Variants in CLU observed in about 807,000 individuals in gnomAD.
The protein encoded by CLU is clusterin, also known as aging-associated protein 4.
CLU carries 25 observed loss-of-function variants against 46.4 expected under a neutral mutation model. The ratio of observed to expected loss-of-function variants is 0.54; its 90% CI spans 0.39 to 0.75. The LOEUF is 0.75. Among genes scored for constraint, CLU ranks in the 30% least tolerant of loss-of-function variants. The pLI is 0.00. For missense variants in CLU, 504 were observed against 592.1 expected (o/e 0.85, Z 1.54); for synonymous variants, 235 against 235.1 (o/e 1.00, Z 0.00).
chr8:27,614,342 G>A (rs1800977649), intron 1 of CLU: 2 of 205,992 alleles, frequency 9.7e-6, no homozygotes, highest in Non-Finnish European at 9.8e-6. Context: ...CCCGCAACGC[G>A]GCAGGTCTCC....
chr8:27,607,339 AAAAAC>A (rs6150518), intron 3 of CLU, among the ~76,000 whole-genome samples: 29,519 of 148,686 alleles, frequency 0.2, 3,343 homozygotes, highest in Non-Finnish European at 0.26. Flanking sequence ...TCTGTCTCAA[AAAAAC>A]AAAACAAAAC....
At chr8:27,613,028 G>A (rs1169416326) in intron 1 of CLU, among the ~76,000 whole-genome samples, 1 of 151,894 alleles carries the variant, frequency 6.6e-6, no homozygotes, top group East Asian at 1.9e-4. Context: ...ACACCCTCCT[G>A]GGAACTTTGA....
chr8:27,610,572 G>A lies in CLU; in HGVS notation c.-1C>T, dbSNP rs1387866928. On this transcript the variant is annotated 5_prime_UTR_variant, in exon 2 of 9. Transcript: ENST00000316403. ...CAAACAGCAGCAGAGTCTTCATCAT[G>A]CCTCCAATTCTGGAGTCTTTGCACG... 1 of 1,613,924 alleles carries A rather than the reference G, an allele frequency of 6.2e-7. No homozygotes were observed. The highest frequency in any genetic ancestry group is 1.3e-5 in the African/African-American group (1 of 74,944).
At chr8:27,606,220 C>T in intron 4 of CLU, 134 bp downstream of exon 4, 1 of 962,200 alleles carries the variant, frequency 1.0e-6, no homozygotes, top group Admixed American at 2.0e-5. Context: ...CAGACATTAC[C>T]AATGGAGCAT....
At chr8:27,598,841 G>A (rs1800665102) in intron 7 of CLU, 2 of 599,978 alleles carry the variant, frequency 3.3e-6, no homozygotes, top group Non-Finnish European at 3.0e-6. Flanking sequence ...CATGTGTTGG[G>A]GCAAATGTCA....
rs779275036 is a variant in CLU at position 27,605,149 on chromosome 8, C to A, written c.604G>T (p.Asp202Tyr). ...QDRFFTREPQ[D>Y]TYHYLPFSLP... ...CTGAAGGGCAGGTAGTGGTAGGTAT[C>A]CTGGGGCTCCCGGGTGAAGAACCTG... The change falls in exon 5 of 9, where the codon GAT (aspartate) becomes TAT (tyrosine). Residue 202 changes from aspartate (D) to tyrosine (Y), a missense_variant. Asp to Tyr is a radical substitution (Grantham distance 160). This residue lies in a region of CLU where 428 missense variants were observed against 484.0 expected (regional missense o/e 0.88). Coordinates refer to ENST00000316403, the MANE Select transcript of CLU (RefSeq NM_001831.4). 1 of 1,614,012 alleles carries A rather than the reference C, an allele frequency of 6.2e-7. No individual in the cohort carries two copies. The highest frequency in any genetic ancestry group is 8.5e-7 in the Non-Finnish European group (1 of 1,180,020).
intron 6 of CLU, among the ~76,000 whole-genome samples, chr8:27,603,215 G>A (rs1378510254): frequency 1.3e-5 from 2 of 152,190 alleles, no homozygotes; most frequent in African/African-American, 2.4e-5. Flanking sequence ...TGACTTTCTT[G>A]TGGTGAGGTA....
rs1456719423 is a variant in CLU, at chr8:27,599,933, C to T, written c.1011G>A (p.Leu337=). ...LDESLQVAER[L]TRKYNELLKS... The stretch of plus-strand genomic sequence containing the variant: ...TTAGCAGCTCGTTGTATTTCCTGGT[C>T]AACCTCTCAGCGACCTGGAGGGATT... Residue 337 remains leucine (L), a synonymous_variant, in exon 7 of 9, where the codon TTG becomes TTA. Transcript: ENST00000316403. This position sits in a 1 kb window ranked among gnomAD's most constrained non-coding sequence, Gnocchi z 4.0. 2 of 1,614,226 alleles carry T rather than the reference C, an allele frequency of 1.2e-6. No homozygotes were observed. Among genetic ancestry groups the T allele is most frequent in the Middle Eastern group, 1.6e-4 (1 of 6,062 alleles).
At position 27,597,165 on chromosome 8, in the gene CLU, G is replaced by A. The variant is rs9331950; in HGVS notation, c.*1076C>T. The A allele has an allele frequency of 0.17, 78,256 of 454,056 alleles. 7,774 individuals are homozygous for A. Among genetic ancestry groups the A allele is most frequent in the Middle Eastern group, 0.27 (383 of 1,444 alleles). The allele number at this position is 454,056 out of a possible 1,614,324, so 28.1% of individuals were successfully genotyped here. The stretch of plus-strand genomic sequence containing the variant: ...GGACAGTGACTTAAGAATATTCTAA[G>A]CTATAAATTTACATGTGGACTTTGC... On this transcript the variant is annotated 3_prime_UTR_variant, in exon 9 of 9. Transcript: ENST00000316403.
At position 27,598,452 on chromosome 8, in the gene CLU, C is replaced by T; in HGVS notation, c.1340+8G>A. 1 of 1,613,984 alleles carries T rather than the reference C, an allele frequency of 6.2e-7. No individual in the cohort carries two copies. The highest frequency in any genetic ancestry group is 8.5e-7 in the Non-Finnish European group (1 of 1,180,014). On this transcript the variant is annotated splice_region_variant and intron_variant, in intron 8 of 8. Transcript: ENST00000316403. The stretch of plus-strand genomic sequence containing the variant: ...CTGCAGGCCCGCAGGAAAGGCCCGC[C>T]TGCTTACCGGTGCTTTTTGCGGTAT...
chr8:27,605,359 G>T (rs990179254), intron 4 of CLU, 24 bp from the exon 5 acceptor site: 1 of 1,613,766 alleles, frequency 6.2e-7, no homozygotes, highest in Middle Eastern at 1.6e-4. Flanking sequence ...CATGGGCACA[G>T]TTAGGAGAAG....
rs531091298 is a variant in CLU at position 27,599,759 on chromosome 8, T to A, written c.1164+21A>T. The A allele has an allele frequency of 6.3e-7, 1 of 1,575,818 alleles. No individual in the cohort carries two copies. Among genetic ancestry groups the A allele is most frequent in the South Asian group, 1.1e-5 (1 of 88,214 alleles). ...CAGCTCGGGCTCCCGAGCCACAGCA[T>A]GTGGCCGGGACACAGCTCACCGTGG... On this transcript the variant is annotated intron_variant, in intron 7 of 8. Coordinates refer to ENST00000316403, the MANE Select transcript of CLU (RefSeq NM_001831.4). The surrounding 1 kb of genome is among the most constrained non-coding windows in gnomAD (Gnocchi z 4.0).
intron 4 of CLU, among the ~76,000 whole-genome samples, chr8:27,606,103 A>G (rs1008280204): frequency 1.3e-5 from 2 of 152,106 alleles, no homozygotes; most frequent in African/African-American, 4.8e-5. Flanking sequence ...CCATCCCACG[A>G]AGCAGTTTAT....
rs774962493 is a variant in CLU at position 27,605,077 on chromosome 8, C to T, written c.676G>A (p.Val226Ile). ...PHFFFPKSRIVRSLMPFSPYE... is the reference protein window; with the variant it reads ...PHFFFPKSRIIRSLMPFSPYE... ...GGAGAGAAGGGCATCAAGCTGCGGA[C>T]GATGCGGGACTTGGGAAAGAAGAAG... Residue 226 changes from valine (V) to isoleucine (I), a missense_variant, in exon 5 of 9, where the codon GTC becomes ATC. Physicochemically the swap from Val to Ile is conservative, Grantham distance 29. Coordinates refer to ENST00000316403, the MANE Select transcript of CLU (RefSeq NM_001831.4). The T allele has an allele frequency of 5.0e-5, 81 of 1,613,888 alleles. 1 individual carries two copies. The highest frequency in any genetic ancestry group is 3.5e-4 in the South Asian group (32 of 91,066).
chr8:27,607,010 C>T (rs753898068), intron 3 of CLU, among the ~76,000 whole-genome samples: 4 of 152,214 alleles, frequency 2.6e-5, no homozygotes, highest in East Asian at 1.9e-4. Context: ...AATTCTCTAA[C>T]GGGCCCTTGC....
intron 2 of CLU, among the ~76,000 whole-genome samples, chr8:27,609,884 A>AT (rs1485589576): frequency 5.3e-5 from 8 of 152,200 alleles, no homozygotes; most frequent in Non-Finnish European, 1.5e-5. Context: ...AGTGGTCATC[A>AT]TTTCAATGTA....
At chr8:27,612,727 C>T (rs73679248) in intron 1 of CLU, among the ~76,000 whole-genome samples, 11 of 152,004 alleles carry the variant, frequency 7.2e-5, no homozygotes, top group African/African-American at 2.7e-4. Context: ...TTCCTTTGCT[C>T]GGACTCACCT....
rs145399005 is a variant in CLU at position 27,606,559 on chromosome 8, G to C, written c.247-35C>G. On this transcript the variant is annotated intron_variant, in intron 3 of 8. Coordinates refer to ENST00000316403, the MANE Select transcript of CLU (RefSeq NM_001831.4). ...GACACAAGGCTGGCTGAGCCACACA[G>C]AGACCACAGGCTCATGCACTCAAAG... 3,177 of 1,612,962 alleles carry C rather than the reference G, an allele frequency of 2.0e-3. 5 individuals carry two copies. The highest frequency in any genetic ancestry group is 2.2e-3 in the Non-Finnish European group (2,643 of 1,179,422).
At position 27,613,404 on chromosome 8, in the gene CLU, G is replaced by A. The variant is rs66778607; in HGVS notation, c.-30+1251C>T. ...TGGTCTCAGGAAAAAAAAAAAAAAA[G>A]AGAGAAAAGAAAGAAAGAAAATCAA... On this transcript the variant is annotated intron_variant, in intron 1 of 8. Coordinates refer to ENST00000316403, the MANE Select transcript of CLU (RefSeq NM_001831.4). 1.9e-3 allele frequency among the ~76,000 whole-genome samples: 131 copies of A among 68,930 alleles called. 1 individual carries two copies. Among genetic ancestry groups the A allele is most frequent in the African/African-American group, 2.5e-3 (37 of 14,872 alleles). 45.2% of individuals were successfully genotyped at this position (68,930 alleles called of 152,430 possible). A position where few individuals can be genotyped will look rare whatever the true frequency, so the allele number is the denominator to read the frequency against.
Sources: gnomAD v4.1 joint callset for allele counts (sites outside exome capture counted in the v4.1 genomes callset) on GRCh38, gnomAD v4.1.1 for gene constraint, gnomAD v4.1.1 regional missense constraint, Gnocchi (gnomAD v3.1) non-coding constraint, MANE v1.5 for transcripts, NCBI Gene and HGNC (gene_info 2026-07-23, HGNC 2026-07-21) for gene names.